The following VNN2 variants were observed in gnomAD, a reference collection of about 807,000 sequenced individuals.
The protein encoded by VNN2 is vanin 2.
Under a neutral mutation model 43.0 loss-of-function variants are expected in VNN2, and 43 were observed. The ratio of observed to expected loss-of-function variants is 1.00; its 90% confidence interval spans 0.78 to 1.29. The LOEUF (loss-of-function observed/expected upper bound fraction) is 1.29. Among genes scored for constraint, VNN2 ranks in the 50% most tolerant of loss-of-function variants. The probability of loss-of-function intolerance (pLI) is 0.00; values close to 1 mark genes in which losing one functional copy is unlikely to be tolerated. For missense variants in VNN2, 652 were observed against 619.7 expected, an observed-to-expected ratio of 1.05 and a Z score of -0.55; for synonymous variants, 230 against 224.3, an observed-to-expected ratio of 1.03 and a Z score of -0.23.
At chr6:132,762,199 G>C (rs1393727995), upstream of VNN2, among the ~76,000 whole-genome samples, 1 of 152,134 alleles carries the variant, frequency 6.6e-6, no homozygotes, top group Admixed American at 6.5e-5. Flanking sequence ...AGAAAACCAA[G>C]GAACTCAACC....
upstream of VNN2, among the ~76,000 whole-genome samples, chr6:132,761,576 C>T (rs1780740294): frequency 6.6e-6 from 1 of 152,094 alleles, no homozygotes; most frequent in African/African-American, 2.4e-5. Flanking sequence ...GGGAGAATTG[C>T]TTGAACCCAG....
Position 132,753,810 on chromosome 6 carries a change from G to T in VNN2, c.538-1061C>A, listed in dbSNP as rs562201546. The T allele has an allele frequency of 2.8e-5, 5 of 176,368 alleles. No homozygotes were observed. In the South Asian group the frequency reaches 5.3e-4, roughly 19 times the overall value. The allele number at this position is 176,368 out of a possible 1,614,324, so 10.9% of individuals were successfully genotyped here. On this transcript the variant is annotated intron_variant, in intron 3 of 6. Transcript: ENST00000326499. ...CTACTAAAAAATCCAAAAATTAGCC[G>T]GGTGTGGTGGTATGCACCTGTAATC... is the stretch of plus-strand genomic sequence containing the variant.
intron 6 of VNN2, among the ~76,000 whole-genome samples, chr6:132,745,192 G>T (rs890632088): frequency 2.0e-5 from 3 of 152,118 alleles, no homozygotes; most frequent in Non-Finnish European, 4.4e-5. Flanking sequence ...AAATTGGACA[G>T]CTGGCTGTTA....
intron 5 of VNN2, 38 bp from the exon 6 acceptor site, chr6:132,749,903 C>T (rs781256731): frequency 2.9e-5 from 45 of 1,568,232 alleles, no homozygotes; most frequent in Non-Finnish European, 3.7e-5. Context: ...CAATGCCTTA[C>T]ATTGAAGTTA....
chr6:132,749,188 G>C (rs1390871230), intron 6 of VNN2, among the ~76,000 whole-genome samples: 3 of 152,106 alleles, frequency 2.0e-5, no homozygotes, highest in Non-Finnish European at 4.4e-5. Flanking sequence ...TTCCCATTGA[G>C]AGGTCTGAGT....
upstream of VNN2, among the ~76,000 whole-genome samples, chr6:132,760,172 T>G (rs1353232836): frequency 6.6e-6 from 1 of 152,136 alleles, no homozygotes. Context: ...GGGGTTTTTT[T>G]GTTTTTTGTT....
chr6:132,753,627 A>G (rs1317701775), intron 3 of VNN2: 2 of 292,030 alleles, frequency 6.8e-6, no homozygotes, highest in Non-Finnish European at 1.4e-5. Context: ...TATCTAAAAA[A>G]TAGAAAAGAA....
At chr6:132,747,049 C>T (rs140897800) in intron 6 of VNN2, among the ~76,000 whole-genome samples, 63 of 152,178 alleles carry the variant, frequency 4.1e-4, no homozygotes, top group African/African-American at 1.5e-3. Context: ...TATCTCATTT[C>T]CTTCTTCTGC....
upstream of VNN2, among the ~76,000 whole-genome samples, chr6:132,758,391 G>A (rs1469212416): frequency 3.3e-5 from 5 of 152,050 alleles, no homozygotes; most frequent in East Asian, 7.7e-4. Flanking sequence ...TTTAAAGAAA[G>A]AAAAGTTGCA....
intron 6 of VNN2, among the ~76,000 whole-genome samples, chr6:132,749,107 A>C (rs939357595): frequency 2.6e-5 from 4 of 152,196 alleles, no homozygotes; most frequent in Non-Finnish European, 1.5e-5. Context: ...TAGTTGTTAT[A>C]AATTGAAAAA....
chr6:132,750,085 A>G (rs1282036386), intron 5 of VNN2, among the ~76,000 whole-genome samples: 1 of 152,220 alleles, frequency 6.6e-6, no homozygotes, highest in East Asian at 1.9e-4. Context: ...GAAAGAAGTC[A>G]GTTTAGAATT....
chr6:132,758,039 C>CTTCTTCTTA, upstream of VNN2: 1 of 161,520 alleles, frequency 6.2e-6, no homozygotes, highest in Non-Finnish European at 1.0e-5. Flanking sequence ...TCTTCTTCTT[C>CTTCTTCTTA]TTTTTTTTTT....
upstream of VNN2, among the ~76,000 whole-genome samples, chr6:132,761,623 G>A (rs553661759): frequency 2.0e-5 from 3 of 152,220 alleles, no homozygotes; most frequent in Admixed American, 2.0e-4. Flanking sequence ...TAGCACCATT[G>A]CACTCCAGCC....
chr6:132,748,671 G>A (rs1036051812), intron 6 of VNN2, among the ~76,000 whole-genome samples: 1 of 152,230 alleles, frequency 6.6e-6, no homozygotes, highest in African/African-American at 2.4e-5. Flanking sequence ...GTATGTGCAT[G>A]TGTGCAAGTG....
intron 3 of VNN2, among the ~76,000 whole-genome samples, chr6:132,755,293 T>TA (rs907501146): frequency 7.7e-5 from 2 of 25,918 alleles, no homozygotes; most frequent in African/African-American, 8.7e-4. Context: ...ATCATGCTAC[T>TA]TTTTTTTTTT....
chr6:132,756,549 T>G (rs542716710), intron 2 of VNN2, among the ~76,000 whole-genome samples: 1 of 151,334 alleles, frequency 6.6e-6, no homozygotes, highest in African/African-American at 2.5e-5. Context: ...CCTGATCTCA[T>G]CTTAACTTTT....
In VNN2 at chr6:132,755,876, A is replaced by G. The variant is rs751397469; in HGVS notation, c.504T>C (p.Asn168=). The part of the protein sequence containing the change: ...YFQYNTNVVY[N]TEGKLVARYH... The stretch of plus-strand genomic sequence containing the variant: ...AACGTGCCACGAGTTTTCCTTCTGT[A>G]TTATACACCACATTGGTATTGTATT... The change falls in exon 3 of 7, where the codon AAT becomes AAC. Residue 168 remains asparagine (N), a synonymous_variant. Transcript: ENST00000326499. 5 of 1,613,736 alleles carry G rather than the reference A, an allele frequency of 3.1e-6. No homozygotes were observed. Among genetic ancestry groups the G allele is most frequent in the Admixed American group, 3.3e-5 (2 of 59,918 alleles).
chr6:132,761,187 C>G (rs1780729640), upstream of VNN2, among the ~76,000 whole-genome samples: 1 of 151,990 alleles, frequency 6.6e-6, no homozygotes, highest in Non-Finnish European at 1.5e-5. Context: ...TTTAGTTTAA[C>G]TGAATTATAA....
In VNN2 at chr6:132,751,374, G is replaced by C; in HGVS notation, c.971C>G (p.Ala324Gly). 6.2e-7 allele frequency: 1 copy of C among 1,614,152 alleles called. No homozygotes were observed. Among genetic ancestry groups the C allele is most frequent in the Non-Finnish European group, 8.5e-7 (1 of 1,180,022 alleles). ...TACTGGAAATGGTTTGATGGTGGTG[G>C]CGTAGGCATTCCAATTAACAGCTGT... Reference protein sequence around the residue: ...YPTAVNWNAYATTIKPFPVQK... With the variant: ...YPTAVNWNAYGTTIKPFPVQK... Residue 324 changes from alanine to glycine, a missense_variant, in exon 5 of 7, where the codon GCC becomes GGC. Physicochemically the swap from Ala to Gly is moderately conservative, Grantham distance 60. Coordinates refer to ENST00000326499, the MANE Select transcript of VNN2 (RefSeq NM_004665.6).
Sources: gnomAD v4.1 joint callset for allele counts (sites outside exome capture counted in the v4.1 genomes callset) on GRCh38, gnomAD v4.1.1 for gene constraint, MANE v1.5 for transcripts, NCBI Gene and HGNC (gene_info 2026-07-23, HGNC 2026-07-21) for gene names.